ANKRD13A: variants seen among roughly 807,000 people sequenced by gnomAD.
ANKRD13A encodes the protein ankyrin repeat domain 13A.
In ANKRD13A, 48 loss-of-function variants were observed where a neutral mutation model predicts 81.3. The observed-to-expected ratio is 0.59, with a 90% CI of 0.47 to 0.75. The LOEUF (loss-of-function observed/expected upper bound fraction) is 0.75. Among genes scored for constraint, ANKRD13A ranks in the 30% least tolerant of loss-of-function variants. The pLI is 0.00. For missense variants in ANKRD13A, 612 were observed against 734.0 expected, an observed-to-expected ratio of 0.83 and a Z score of 1.92; for synonymous variants, 230 against 270.1, an observed-to-expected ratio of 0.85 and a Z score of 1.45.
Position 110,039,130 on chromosome 12 carries a change from C to T in ANKRD13A, c.*1576C>T, listed in dbSNP as rs566597629. ...CTGCACATGAGGCCAGTATAGGCAA[C>T]GTCACATTTGTTTGTTTCAAATATG... On this transcript the variant is annotated 3_prime_UTR_variant, in exon 15 of 15. Transcript: ENST00000261739. 9.2e-5 allele frequency: 14 copies of T among 151,450 alleles called. No individual in the cohort carries two copies. Among genetic ancestry groups the T allele is most frequent in the African/African-American group, 2.4e-4 (10 of 41,140 alleles). 9.4% of individuals were successfully genotyped at this position (151,450 alleles called of 1,614,324 possible).
intron 1 of ANKRD13A, among the ~76,000 whole-genome samples, chr12:110,002,985 C>T (rs1342899662): frequency 6.6e-6 from 1 of 152,210 alleles, no homozygotes; most frequent in Non-Finnish European, 1.5e-5. Context: ...TAAAGTGCCT[C>T]TTAACCCATC....
chr12:110,027,898 T>A, intron 9 of ANKRD13A, 132 bp downstream of exon 9: 1 of 779,208 alleles, frequency 1.3e-6, no homozygotes, highest in East Asian at 2.6e-5. Context: ...AGCTGGAATT[T>A]GAGATACTCT....
intron 1 of ANKRD13A, among the ~76,000 whole-genome samples, chr12:110,011,443 G>A (rs964693537): frequency 2.6e-5 from 4 of 152,216 alleles, no homozygotes; most frequent in African/African-American, 9.6e-5. Flanking sequence ...GCGGTCTGAA[G>A]GACCCACAGA....
intron 6 of ANKRD13A, among the ~76,000 whole-genome samples, chr12:110,020,108 T>C: frequency 6.6e-6 from 1 of 152,210 alleles, no homozygotes; most frequent in South Asian, 2.1e-4. Context: ...CCTGAGAAAA[T>C]GGACACTATC....
chr12:110,019,200 C>T lies in ANKRD13A; in HGVS notation c.606C>T (p.Phe202=), dbSNP rs577498777. The change falls in exon 6 of 15, where the codon TTC becomes TTT. Residue 202 remains phenylalanine (F), a synonymous_variant. Coordinates refer to ENST00000261739, the MANE Select transcript of ANKRD13A (RefSeq NM_033121.2). ...ACAAAGTGGTCACCACCGAACGCTT[C>T]GACCTTTCCCAAGAAATGGAGCGCC... The part of the protein sequence containing the change: ...HDDKVVTTER[F]DLSQEMERLT... The T allele has an allele frequency of 1.8e-5, 29 of 1,613,970 alleles. No homozygotes were observed. Among genetic ancestry groups the T allele is most frequent in the Middle Eastern group, 1.7e-4 (1 of 6,060 alleles).
intron 6 of ANKRD13A, among the ~76,000 whole-genome samples, chr12:110,019,676 G>T (rs1407133754): frequency 6.6e-6 from 1 of 152,166 alleles, no homozygotes; most frequent in Non-Finnish European, 1.5e-5. Context: ...CCAGACCACA[G>T]AGCGTGGAGT....
rs1892230508 is a variant in ANKRD13A at position 110,039,144 on chromosome 12, G to A, written c.*1590G>A. ...AGTATAGGCAACGTCACATTTGTTT[G>A]TTTCAAATATGCAGTGTGGTATTTT... On this transcript the variant is annotated 3_prime_UTR_variant, in exon 15 of 15. Coordinates refer to ENST00000261739, the MANE Select transcript of ANKRD13A (RefSeq NM_033121.2). The A allele has an allele frequency of 1.3e-5, 2 of 151,016 alleles. No homozygotes were observed. The highest frequency in any genetic ancestry group is 1.3e-4 in the Admixed American group (2 of 15,148). 9.4% of individuals were successfully genotyped at this position (151,016 alleles called of 1,614,324 possible). A position where few individuals can be genotyped will look rare whatever the true frequency, so the allele number is the denominator to read the frequency against.
chr12:110,030,887 G>A, intron 12 of ANKRD13A, 129 bp downstream of exon 12: 1 of 385,430 alleles, frequency 2.6e-6, no homozygotes, highest in Non-Finnish European at 4.6e-6. Context: ...CTGAGGTCGG[G>A]AGTTTGAGAC....
chr12:110,014,543 G>A (rs550693561), intron 3 of ANKRD13A, among the ~76,000 whole-genome samples: 12 of 152,292 alleles, frequency 7.9e-5, no homozygotes, highest in South Asian at 2.1e-4. Flanking sequence ...AATGACCTGC[G>A]TACTTAGTGG....
intron 3 of ANKRD13A, among the ~76,000 whole-genome samples, chr12:110,015,072 G>A (rs762568204): frequency 1.3e-5 from 2 of 152,026 alleles, no homozygotes; most frequent in Non-Finnish European, 2.9e-5. Flanking sequence ...CAGTGCGCCC[G>A]GCCGCATTTC....
In ANKRD13A at chr12:110,012,026, C is replaced by T. The variant is rs1437001799; in HGVS notation, c.118C>T (p.Arg40Ter). 1.9e-6 allele frequency: 3 copies of T among 1,608,880 alleles called. No individual in the cohort carries two copies. Among genetic ancestry groups the T allele is most frequent in the South Asian group, 1.1e-5 (1 of 90,814 alleles). ...ACAGAATGTGGAGGCTGTGGACCCA[C>T]GAGGTCGAACATTATTGCATCTTGC... ...QGQNVEAVDP[R>*]GRTLLHLAVS... Residue 40 changes from arginine to a stop codon, truncating the protein, a stop_gained, in exon 2 of 15, where the codon CGA becomes TGA. Coordinates refer to ENST00000261739, the MANE Select transcript of ANKRD13A (RefSeq NM_033121.2). LOFTEE classifies it high-confidence loss of function.
At chr12:110,030,614 TACTTATA>T in intron 11 of ANKRD13A, 24 bp from the exon 12 acceptor site, 3 of 1,348,272 alleles carry the variant, frequency 2.2e-6, no homozygotes, top group Non-Finnish European at 3.1e-6. Flanking sequence ...CAGTAAAGTT[TACTTATA>T]AAAGTTTTTA....
At chr12:110,037,055 C>T (rs35367681) in intron 14 of ANKRD13A, among the ~76,000 whole-genome samples, 10,825 of 152,204 alleles carry the variant, frequency 0.071, 616 homozygotes, top group African/African-American at 0.15. Context: ...ATTCATTTTA[C>T]GAAGACTTAT....
rs914728995 is a variant in ANKRD13A, at chr12:110,034,071, C to T, written c.1509+114C>T. 14 of 1,141,972 alleles carry T rather than the reference C, an allele frequency of 1.2e-5. No homozygotes were observed. In the African/African-American group the frequency reaches 2.2e-4, roughly 18 times the overall value. The allele number at this position is 1,141,972 out of a possible 1,614,324, so 70.7% of individuals were successfully genotyped here. A position where few individuals can be genotyped will look rare whatever the true frequency, so the allele number is the denominator to read the frequency against. On this transcript the variant is annotated intron_variant, in intron 13 of 14. Transcript: ENST00000261739. Reference sequence around the variant, plus strand: ...TTCTAAATATCAAGTTTGACACATTCATGGTATTTGCATAGGTTATACTTT... The same window carrying T: ...TTCTAAATATCAAGTTTGACACATTTATGGTATTTGCATAGGTTATACTTT...
At position 110,039,063 on chromosome 12, in the gene ANKRD13A, G is replaced by GT. The variant is rs1211333897; in HGVS notation, c.*1513dup. 38 of 144,932 alleles carry GT rather than the reference G, an allele frequency of 2.6e-4. No individual in the cohort carries two copies. In the South Asian group the frequency reaches 3.6e-3, roughly 14 times the overall value. The allele number at this position is 144,932 out of a possible 1,614,324, so 9.0% of individuals were successfully genotyped here. A position where few individuals can be genotyped will look rare whatever the true frequency, so the allele number is the denominator to read the frequency against. ...TGCTTTTAATTCCATTTCACAATCTGTTTTGTTTTTTTTTTTTGTCATTGT... is the reference window on the plus strand; with the variant it reads ...TGCTTTTAATTCCATTTCACAATCTGTTTTTGTTTTTTTTTTTTGTCATTGT... On this transcript the variant is annotated 3_prime_UTR_variant, in exon 15 of 15. Transcript: ENST00000261739.
Position 110,030,701 on chromosome 12 carries a change from T to C in ANKRD13A, c.1291T>C (p.Cys431Arg), listed in dbSNP as rs753168827. 1 of 1,611,506 alleles carries C rather than the reference T, an allele frequency of 6.2e-7. No homozygotes were observed. The highest frequency in any genetic ancestry group is 1.3e-5 in the African/African-American group (1 of 74,866). The change falls in exon 12 of 15, where the codon TGT becomes CGT. Residue 431 changes from cysteine (C) to arginine (R), a missense_variant. Transcript: ENST00000261739. ...GATTACATTTGGAAATGTTAATGGC[T>C]GTAGCACTGCCGAAGAATCTGTATC... ...ARITFGNVNG[C>R]STAEESVSQN...
chr12:110,025,302 G>C (rs1891261933), intron 7 of ANKRD13A, among the ~76,000 whole-genome samples: 1 of 150,786 alleles, frequency 6.6e-6, no homozygotes, highest in Admixed American at 6.6e-5. Flanking sequence ...GCTGCAGTGA[G>C]CAGAGATCAC....
At chr12:110,007,923 G>A (rs1046325491) in intron 1 of ANKRD13A, among the ~76,000 whole-genome samples, 6 of 152,072 alleles carry the variant, frequency 3.9e-5, no homozygotes, top group African/African-American at 1.4e-4. Flanking sequence ...TTTTTTGGTG[G>A]ATTCCTTAGG....
Position 110,038,298 on chromosome 12 carries a change from T to G in ANKRD13A, c.*744T>G, listed in dbSNP as rs1486928892. 3 of 152,658 alleles carry G rather than the reference T, an allele frequency of 2.0e-5. No individual in the cohort carries two copies. The highest frequency in any genetic ancestry group is 2.9e-5 in the Non-Finnish European group (2 of 68,050). The allele number at this position is 152,658 out of a possible 1,614,324, so 9.5% of individuals were successfully genotyped here. ...TGATTTGAATTTGTAAAGGCAATTC[T>G]TTTGAGAGCAGGATTCTCCAGGCTA... On this transcript the variant is annotated 3_prime_UTR_variant, in exon 15 of 15. Transcript: ENST00000261739.
Sources: gnomAD v4.1 joint callset for allele counts (sites outside exome capture counted in the v4.1 genomes callset) on GRCh38, gnomAD v4.1.1 for gene constraint, MANE v1.5 for transcripts, NCBI Gene and HGNC (gene_info 2026-07-23, HGNC 2026-07-21) for gene names.